Variants in LARP4 observed in about 807,000 individuals in gnomAD.
LARP4 encodes La ribonucleoprotein 4, also known as la-related protein 4.
LARP4 carries 29 observed loss-of-function variants against 92.9 expected under a neutral mutation model. The ratio of observed to expected loss-of-function variants is 0.31; its 90% CI spans 0.23 to 0.43. The LOEUF (loss-of-function observed/expected upper bound fraction) is 0.43, where lower values mean the gene tolerates loss of function less well. Ranked by LOEUF, LARP4 falls within the 20% of genes least tolerant of loss-of-function variation. The probability of loss-of-function intolerance (pLI) is 1.00; values close to 1 mark genes in which losing one functional copy is unlikely to be tolerated. For missense variants in LARP4, 732 were observed against 860.0 expected (o/e 0.85, Z 1.86); for synonymous variants, 279 against 284.1 (o/e 0.98, Z 0.18).
At chr12:50,435,688 T>G (rs1950298465) in intron 5 of LARP4, 64 bp downstream of exon 5, 1 of 1,231,698 alleles carries the variant, frequency 8.1e-7, no homozygotes, top group East Asian at 2.4e-5. Context: ...TTTCGACTTC[T>G]GATCATATAG....
Position 50,400,954 on chromosome 12 carries a change from C to T in LARP4, c.-57C>T. Reference sequence around the variant, plus strand: ...CTTATCCTAGCAATTGGGGCGCGGGCCTGTGAGCCAGTTGGAGTTGCGGCG... The same window carrying T: ...CTTATCCTAGCAATTGGGGCGCGGGTCTGTGAGCCAGTTGGAGTTGCGGCG... On this transcript the variant is annotated 5_prime_UTR_variant, in exon 1 of 16. Transcript: ENST00000398473. The T allele has an allele frequency of 1.2e-6, 2 of 1,613,190 alleles. No homozygotes were observed. The highest frequency in any genetic ancestry group is 8.5e-7 in the Non-Finnish European group (1 of 1,179,176).
intron 1 of LARP4, 61 bp downstream of exon 1, chr12:50,401,089 C>A: frequency 6.3e-7 from 1 of 1,586,986 alleles, no homozygotes; most frequent in Non-Finnish European, 8.6e-7. Context: ...GAGGCGCCGG[C>A]CGGTCCCACC....
chr12:50,417,931 G>T (rs934543425), intron 1 of LARP4, among the ~76,000 whole-genome samples: 3 of 152,182 alleles, frequency 2.0e-5, no homozygotes, highest in Non-Finnish European at 2.9e-5. Context: ...CGCGATCTTG[G>T]TTCACTGCAA....
chr12:50,439,272 T>A (rs1950865704), intron 6 of LARP4, among the ~76,000 whole-genome samples: 1 of 152,232 alleles, frequency 6.6e-6, no homozygotes, highest in African/African-American at 2.4e-5. Context: ...ACAATTCATA[T>A]TCTGAATACA....
chr12:50,438,788 A>G lies in LARP4; in HGVS notation c.639+950A>G, dbSNP rs189818636. 1.4e-4 allele frequency among the ~76,000 whole-genome samples: 21 copies of G among 152,344 alleles called. No individual in the cohort carries two copies. The East Asian group carries it at 3.7e-3, about 27-fold the overall frequency. On this transcript the variant is annotated intron_variant, in intron 6 of 15. Coordinates refer to ENST00000398473, the MANE Select transcript of LARP4 (RefSeq NM_052879.5). ...AAATGACAGGAGTTTGGGTTTGAAC[A>G]TGATCTCTCTGATTCTAAAGCCCAT...
intron 1 of LARP4, among the ~76,000 whole-genome samples, chr12:50,403,413 A>G (rs1211513155): frequency 2.0e-5 from 3 of 152,238 alleles, no homozygotes; most frequent in African/African-American, 7.2e-5. Flanking sequence ...CAGCTTTTGC[A>G]GTTATCTTGA....
In LARP4 at chr12:50,476,046, T is replaced by G; in HGVS notation, c.*182T>G. 2.1e-6 allele frequency: 1 copy of G among 474,504 alleles called. No homozygotes were observed. Among genetic ancestry groups the G allele is most frequent in the Admixed American group, 3.5e-5 (1 of 28,776 alleles). 29.4% of individuals were successfully genotyped at this position (474,504 alleles called of 1,614,324 possible). A position where few individuals can be genotyped will look rare whatever the true frequency, so the allele number is the denominator to read the frequency against. On this transcript the variant is annotated 3_prime_UTR_variant, in exon 16 of 16. Coordinates refer to ENST00000398473, the MANE Select transcript of LARP4 (RefSeq NM_052879.5). ...CCAAAATTCATCTCTAATGTGGTTTTTAAATGCTGGAGGATTCCAATCAAT... is the reference window on the plus strand; with the variant it reads ...CCAAAATTCATCTCTAATGTGGTTTGTAAATGCTGGAGGATTCCAATCAAT...
chr12:50,401,858 G>A (rs1412662010), intron 1 of LARP4, among the ~76,000 whole-genome samples: 1 of 152,188 alleles, frequency 6.6e-6, no homozygotes, highest in Non-Finnish European at 1.5e-5. Flanking sequence ...GATAGAGTTG[G>A]ATACCTGCCT....
At chr12:50,425,931 A>G (rs987675479) in intron 1 of LARP4, among the ~76,000 whole-genome samples, 1 of 152,052 alleles carries the variant, frequency 6.6e-6, no homozygotes, top group Admixed American at 6.6e-5. Context: ...GCCGGATTCC[A>G]GGGTTACAAA....
At chr12:50,422,442 T>C (rs1947967004) in intron 1 of LARP4, among the ~76,000 whole-genome samples, 1 of 152,180 alleles carries the variant, frequency 6.6e-6, no homozygotes, top group Admixed American at 6.5e-5. Context: ...TAATCAACCC[T>C]GAGATGCATA....
At chr12:50,441,908 G>A (rs1481068469) in intron 8 of LARP4, among the ~76,000 whole-genome samples, 3 of 152,130 alleles carry the variant, frequency 2.0e-5, no homozygotes, top group Non-Finnish European at 4.4e-5. Flanking sequence ...AAATTAGCCG[G>A]GTGTTGTGGC....
intron 1 of LARP4, among the ~76,000 whole-genome samples, chr12:50,405,457 T>C (rs1944645865): frequency 6.6e-6 from 1 of 152,060 alleles, no homozygotes; most frequent in South Asian, 2.1e-4. Flanking sequence ...TACAGTTTTT[T>C]TTTTAATTTT....
intron 1 of LARP4, among the ~76,000 whole-genome samples, chr12:50,410,544 T>C (rs1945687989): frequency 6.6e-6 from 1 of 151,952 alleles, no homozygotes; most frequent in South Asian, 2.1e-4. Flanking sequence ...TAGCTGGGAT[T>C]ACAGGCGCCC....
At chr12:50,428,557 T>C (rs1323171952) in intron 2 of LARP4, among the ~76,000 whole-genome samples, 1 of 152,190 alleles carries the variant, frequency 6.6e-6, no homozygotes, top group African/African-American at 2.4e-5. Context: ...CTACCATCAT[T>C]GACTCTGCTA....
At chr12:50,438,626 A>G (rs1378257298) in intron 6 of LARP4, among the ~76,000 whole-genome samples, 1 of 152,270 alleles carries the variant, frequency 6.6e-6, no homozygotes, top group South Asian at 2.1e-4. Flanking sequence ...GATACATTAT[A>G]ATCAATTTGA....
intron 8 of LARP4, among the ~76,000 whole-genome samples, chr12:50,451,410 G>A (rs938893723): frequency 6.6e-6 from 1 of 152,112 alleles, no homozygotes; most frequent in African/African-American, 2.4e-5. Context: ...CTTTAAGACT[G>A]AATGGGTCTG....
intron 1 of LARP4, among the ~76,000 whole-genome samples, chr12:50,423,713 C>T (rs1360868039): frequency 6.6e-5 from 10 of 150,554 alleles, no homozygotes; most frequent in African/African-American, 2.2e-4. Flanking sequence ...TCCCAAAGTG[C>T]TGGGGTTACA....
intron 5 of LARP4, among the ~76,000 whole-genome samples, chr12:50,436,174 G>GTA (rs10599634): frequency 0.013 from 1,736 of 136,658 alleles, 33 homozygotes; most frequent in African/African-American, 0.044. Context: ...GTGTGTGTAT[G>GTA]TATATATATA....
intron 8 of LARP4, among the ~76,000 whole-genome samples, chr12:50,446,008 T>C (rs1360848144): frequency 3.4e-5 from 5 of 146,428 alleles, no homozygotes; most frequent in Admixed American, 6.8e-5. Flanking sequence ...TTTTTCTTTT[T>C]TTTTTTTTTT....
Sources: gnomAD v4.1 joint callset for allele counts (sites outside exome capture counted in the v4.1 genomes callset) on GRCh38, gnomAD v4.1.1 for gene constraint, MANE v1.5 for transcripts, NCBI Gene and HGNC (gene_info 2026-07-23, HGNC 2026-07-21) for gene names.